The following DUSP16 variants were observed in gnomAD, a reference collection of about 807,000 sequenced individuals.
DUSP16 encodes dual specificity protein phosphatase 16.
In DUSP16, 21 loss-of-function variants were observed where a neutral mutation model predicts 58.3. The observed-to-expected ratio is 0.36, with a 90% confidence interval of 0.26 to 0.52. The LOEUF is 0.52. Ranked by LOEUF, DUSP16 falls within the 20% of genes least tolerant of loss-of-function variation. The pLI is 0.94. For missense variants in DUSP16, 726 were observed against 819.0 expected, an observed-to-expected ratio of 0.89 and a Z score of 1.39; for synonymous variants, 320 against 323.8, an observed-to-expected ratio of 0.99 and a Z score of 0.12.
intron 1 of DUSP16, among the ~76,000 whole-genome samples, chr12:12,526,262 G>A (rs1285111923): frequency 6.6e-6 from 1 of 151,432 alleles, no homozygotes; most frequent in Non-Finnish European, 1.5e-5. Context: ...TTTAACACAA[G>A]TTGTATAACA....
Position 12,478,111 on chromosome 12 carries a change from G to A in DUSP16, c.816-96C>T, listed in dbSNP as rs183996954. On this transcript the variant is annotated intron_variant, in intron 6 of 6. Coordinates refer to ENST00000298573, the MANE Select transcript of DUSP16 (RefSeq NM_030640.3). ...AAATGAGATAGGGAATTATCAGGCAGACCTCAAAAACTTTGGAAGATGATT... is the reference window on the plus strand; with the variant it reads ...AAATGAGATAGGGAATTATCAGGCAAACCTCAAAAACTTTGGAAGATGATT... 2.0e-4 allele frequency: 235 copies of A among 1,147,742 alleles called. 1 individual carries two copies. In the African/African-American group the frequency reaches 3.4e-3, roughly 17 times the overall value. 71.1% of individuals were successfully genotyped at this position (1,147,742 alleles called of 1,614,324 possible). A position where few individuals can be genotyped will look rare whatever the true frequency, so the allele number is the denominator to read the frequency against.
intron 4 of DUSP16, among the ~76,000 whole-genome samples, chr12:12,498,343 G>GT: frequency 6.6e-6 from 1 of 151,946 alleles, no homozygotes; most frequent in South Asian, 2.1e-4. Context: ...CAACGCTAAG[G>GT]TTTTTGTCAA....
chr12:12,490,784 C>A (rs1943751087), intron 4 of DUSP16, among the ~76,000 whole-genome samples: 1 of 152,190 alleles, frequency 6.6e-6, no homozygotes, highest in Admixed American at 6.5e-5. Flanking sequence ...CTTTACAGCT[C>A]CCTTATTCCC....
At chr12:12,508,136 T>C (rs1224946210) in intron 3 of DUSP16, among the ~76,000 whole-genome samples, 1 of 152,126 alleles carries the variant, frequency 6.6e-6, no homozygotes, top group Non-Finnish European at 1.5e-5. Flanking sequence ...AAATGGAAAA[T>C]ACTGAAAATG....
At chr12:12,549,866 A>C (rs1445651259) in intron 1 of DUSP16, among the ~76,000 whole-genome samples, 1 of 152,014 alleles carries the variant, frequency 6.6e-6, no homozygotes, top group Admixed American at 6.6e-5. Flanking sequence ...CCTTTATCCA[A>C]CACGCTCTGA....
intron 1 of DUSP16, among the ~76,000 whole-genome samples, chr12:12,538,481 G>A (rs536402933): frequency 1.8e-4 from 27 of 152,328 alleles, no homozygotes; most frequent in African/African-American, 6.0e-4. Context: ...CTATTCATCA[G>A]TGGTAAAAGA....
At chr12:12,513,143 G>A (rs1233146556) in intron 3 of DUSP16, among the ~76,000 whole-genome samples, 1 of 152,210 alleles carries the variant, frequency 6.6e-6, no homozygotes, top group African/African-American at 2.4e-5. Flanking sequence ...ACGAAGAAAT[G>A]AGTATTTGGC....
rs1265591722 is a variant in DUSP16, at chr12:12,477,253, C to T, written c.1578G>A (p.Gln526=). The T allele has an allele frequency of 1.2e-6, 2 of 1,614,244 alleles. No homozygotes were observed. The highest frequency in any genetic ancestry group is 3.3e-5 in the Admixed American group (2 of 60,028). ...SFLFGLSTSQ[Q]HLTKSAGLGL... is the part of the protein sequence containing the mutation. ...CCAGGCCAGCAGACTTCGTGAGGTG[C>T]TGCTGGCTGGTGGAAAGGCCGAAAA... The change falls in exon 7 of 7, where the codon CAG becomes CAA. Residue 526 remains glutamine, a synonymous_variant. Transcript: ENST00000298573. The surrounding 1 kb of genome is among the most constrained non-coding windows in gnomAD (Gnocchi z 4.1).
chr12:12,554,974 C>T (rs1315451384), intron 1 of DUSP16, among the ~76,000 whole-genome samples: 1 of 152,186 alleles, frequency 6.6e-6, no homozygotes, highest in East Asian at 1.9e-4. Context: ...AAGTCAAGAA[C>T]TATCTTCTCG....
At position 12,512,390 on chromosome 12, in the gene DUSP16, T is replaced by C. The variant is rs1468299218; in HGVS notation, c.367+7472A>G. 2.0e-5 allele frequency among the ~76,000 whole-genome samples: 3 copies of C among 152,188 alleles called. No individual in the cohort carries two copies. In the East Asian group the frequency reaches 5.8e-4, roughly 29 times the overall value. ...AATTTGAAGTATATGGTACGTTTAT[T>C]GTCAACCGTAGTCACCATGCTGTAC... On this transcript the variant is annotated intron_variant, in intron 3 of 6. Coordinates refer to ENST00000298573, the MANE Select transcript of DUSP16 (RefSeq NM_030640.3).
At chr12:12,558,606 C>G (rs748338090) in intron 1 of DUSP16, among the ~76,000 whole-genome samples, 21 of 152,138 alleles carry the variant, frequency 1.4e-4, no homozygotes, top group Non-Finnish European at 2.6e-4. Flanking sequence ...TTCTCAACAC[C>G]TGAGCTCAAG....
intron 1 of DUSP16, among the ~76,000 whole-genome samples, chr12:12,538,654 T>C (rs1244993163): frequency 2.7e-5 from 4 of 150,772 alleles, no homozygotes; most frequent in Admixed American, 1.3e-4. Flanking sequence ...CTGTGGAGAG[T>C]TGCCCTCACC....
chr12:12,549,894 C>T (rs144324982), intron 1 of DUSP16, among the ~76,000 whole-genome samples: 7 of 152,290 alleles, frequency 4.6e-5, no homozygotes, highest in South Asian at 2.1e-4. Context: ...TGACCTTCCA[C>T]CCATAATAGT....
chr12:12,560,534 A>T (rs1944882796), intron 1 of DUSP16, among the ~76,000 whole-genome samples: 1 of 152,180 alleles, frequency 6.6e-6, no homozygotes. Flanking sequence ...TAAATTCCAC[A>T]ATTTTAAAAA....
chr12:12,503,959 C>T (rs1259103761), intron 3 of DUSP16, among the ~76,000 whole-genome samples: 1 of 152,110 alleles, frequency 6.6e-6, no homozygotes, highest in Non-Finnish European at 1.5e-5. Flanking sequence ...AAGTACAACC[C>T]ACAGACAATC....
Position 12,473,870 on chromosome 12 carries a change from C to T in DUSP16, c.*2963G>A, listed in dbSNP as rs755269529. 3.3e-5 allele frequency among the ~76,000 whole-genome samples: 5 copies of T among 152,188 alleles called. No individual in the cohort carries two copies. Among genetic ancestry groups the T allele is most frequent in the African/African-American group, 4.8e-5 (2 of 41,446 alleles). On this transcript the variant is annotated 3_prime_UTR_variant, in exon 7 of 7. Coordinates refer to ENST00000298573, the MANE Select transcript of DUSP16 (RefSeq NM_030640.3). ...TCGTAACATCATTTACATGTTATAT[C>T]GAAATGGGCCATGTGTGTGTAGCTG...
chr12:12,535,660 A>G (rs1944453034), intron 1 of DUSP16, among the ~76,000 whole-genome samples: 1 of 152,238 alleles, frequency 6.6e-6, no homozygotes, highest in Admixed American at 6.5e-5. Context: ...AGTCCTTGAT[A>G]TTAATTAGTT....
At chr12:12,548,876 G>A (rs1036762412) in intron 1 of DUSP16, among the ~76,000 whole-genome samples, 1 of 151,972 alleles carries the variant, frequency 6.6e-6, no homozygotes, top group Non-Finnish European at 1.5e-5. Flanking sequence ...ATCAGGAGGG[G>A]ATTTCAAGTG....
intron 6 of DUSP16, 85 bp downstream of exon 6, chr12:12,480,138 T>C (rs1274660650): frequency 6.6e-6 from 10 of 1,525,246 alleles, no homozygotes; most frequent in South Asian, 1.3e-5. Context: ...CATGATCTGC[T>C]TTAATTTGGT....
Sources: gnomAD v4.1 joint callset for allele counts (sites outside exome capture counted in the v4.1 genomes callset) on GRCh38, gnomAD v4.1.1 for gene constraint, Gnocchi (gnomAD v3.1) non-coding constraint, MANE v1.5 for transcripts, NCBI Gene and HGNC (gene_info 2026-07-23, HGNC 2026-07-21) for gene names.